MAP3K9: variants seen among roughly 807,000 people sequenced by gnomAD.
The protein encoded by MAP3K9 is mixed lineage kinase 1 (tyr and ser/thr specificity).
Under a neutral mutation model 95.8 loss-of-function variants are expected in MAP3K9, and 46 were observed. The observed-to-expected ratio is 0.48, with a 90% CI of 0.38 to 0.61. The LOEUF is 0.61. Among genes scored for constraint, MAP3K9 ranks in the 20% least tolerant of loss-of-function variants. The pLI, the probability that MAP3K9 is intolerant of heterozygous loss-of-function variation, is 0.00. For synonymous variants in MAP3K9, 533 were observed against 593.8 expected, an observed-to-expected ratio of 0.90 and a Z score of 1.49; for missense variants, 1,296 against 1,474.3, an observed-to-expected ratio of 0.88 and a Z score of 1.98.
intron 2 of MAP3K9, among the ~76,000 whole-genome samples, chr14:70,799,927 C>T (rs751099340): frequency 6.6e-6 from 1 of 152,186 alleles, no homozygotes; most frequent in Non-Finnish European, 1.5e-5. Context: ...CACAAACTAC[C>T]ACAGAAAAGA....
Position 70,724,061 on chromosome 14 carries a change from T to C in MAP3K9, c.*6319A>G, listed in dbSNP as rs1006430406. 2 of 151,844 alleles carry C rather than the reference T, an allele frequency of 1.3e-5. No homozygotes were observed. The highest frequency in any genetic ancestry group is 4.8e-5 in the African/African-American group (2 of 41,302). 9.4% of individuals were successfully genotyped at this position (151,844 alleles called of 1,614,324 possible). On this transcript the variant is annotated 3_prime_UTR_variant, in exon 12 of 12. Transcript: ENST00000554752. ...ATGTGGCTCTTAGCATGCCAGGGAG[T>C]GAAAAAGCCTCCGTTCACTTTAGTC...
intron 2 of MAP3K9, among the ~76,000 whole-genome samples, chr14:70,768,348 T>C (rs1210422921): frequency 2.6e-5 from 4 of 151,786 alleles, no homozygotes; most frequent in Non-Finnish European, 4.4e-5. Context: ...CTATTGTAAA[T>C]GGGAAAGCCA....
intron 2 of MAP3K9, among the ~76,000 whole-genome samples, chr14:70,799,327 T>C (rs2054902626): frequency 6.6e-6 from 1 of 152,036 alleles, no homozygotes; most frequent in Admixed American, 6.6e-5. Context: ...CTTACATAAT[T>C]TTAAAATGTA....
intron 2 of MAP3K9, among the ~76,000 whole-genome samples, chr14:70,770,180 C>T (rs12897648): frequency 0.3 from 45,225 of 151,806 alleles, 6,994 homozygotes; most frequent in Admixed American, 0.34. Flanking sequence ...TCTGTATTTT[C>T]TGTTTCTTTT....
At chr14:70,791,202 G>A (rs1197744758) in intron 2 of MAP3K9, among the ~76,000 whole-genome samples, 1 of 152,136 alleles carries the variant, frequency 6.6e-6, no homozygotes, top group East Asian at 1.9e-4. Context: ...GACCCCACAC[G>A]CCTTTCAAAG....
rs537725621 is a variant in MAP3K9, at chr14:70,801,031, G to A, written c.456C>T (p.Ile152=). The A allele has an allele frequency of 4.3e-6, 7 of 1,614,046 alleles. 1 individual carries two copies. In the South Asian group the frequency reaches 4.4e-5, roughly 10 times the overall value. ...AELTLEEIIG[I]GGFGKVYRAF... ...CACGATAGACCTTCCCAAAGCCCCCGATGCCAATAATCTCTTCCAAGGTGA... is the reference window on the plus strand; with the variant it reads ...CACGATAGACCTTCCCAAAGCCCCCAATGCCAATAATCTCTTCCAAGGTGA... Residue 152 remains isoleucine, a synonymous_variant, in exon 2 of 12, where the codon ATC becomes ATT. Coordinates refer to ENST00000554752, the MANE Select transcript of MAP3K9 (RefSeq NM_001284230.2).
At chr14:70,750,643 C>T (rs1216128611) in intron 3 of MAP3K9, among the ~76,000 whole-genome samples, 2 of 152,112 alleles carry the variant, frequency 1.3e-5, no homozygotes, top group Non-Finnish European at 2.9e-5. Context: ...CACCACCACG[C>T]CCGGCTAATT....
intron 11 of MAP3K9, among the ~76,000 whole-genome samples, chr14:70,732,023 A>G (rs888745424): frequency 2.6e-5 from 4 of 152,304 alleles, no homozygotes; most frequent in East Asian, 3.9e-4. Context: ...AGAGGCAGGT[A>G]TGAGTCAGGG....
chr14:70,765,551 A>G, intron 2 of MAP3K9: 2 of 613,340 alleles, frequency 3.3e-6, no homozygotes, highest in South Asian at 2.0e-5. Flanking sequence ...CTACGTATAG[A>G]TACATTTAGG....
intron 11 of MAP3K9, among the ~76,000 whole-genome samples, chr14:70,732,100 T>C (rs181721819): frequency 6.6e-6 from 1 of 152,300 alleles, no homozygotes; most frequent in East Asian, 1.9e-4. Flanking sequence ...ACTAATGCTA[T>C]AATGAGAGGC....
chr14:70,797,548 G>C (rs991169452), intron 2 of MAP3K9, among the ~76,000 whole-genome samples: 3 of 152,100 alleles, frequency 2.0e-5, no homozygotes, highest in African/African-American at 4.8e-5. Context: ...GACCAGGCTG[G>C]CCAACATGGC....
chr14:70,762,652 T>C (rs2054391803), intron 2 of MAP3K9, among the ~76,000 whole-genome samples: 1 of 152,248 alleles, frequency 6.6e-6, no homozygotes, highest in Non-Finnish European at 1.5e-5. Context: ...TACTAGACCC[T>C]TATCAGATAC....
intron 1 of MAP3K9, among the ~76,000 whole-genome samples, chr14:70,803,336 T>TCAAAAAA (rs1566771064): frequency 4.5e-5 from 3 of 66,096 alleles, no homozygotes; most frequent in East Asian, 3.8e-4. Context: ...AATTCAGATC[T>TCAAAAAA]TAAAAAAAAA....
At chr14:70,771,810 A>G (rs2054535416) in intron 2 of MAP3K9, among the ~76,000 whole-genome samples, 1 of 152,198 alleles carries the variant, frequency 6.6e-6, no homozygotes, top group Non-Finnish European at 1.5e-5. Context: ...AGGGCTCCTG[A>G]GTGGCACGTG....
At chr14:70,737,568 C>T (rs1246140342) in intron 8 of MAP3K9, among the ~76,000 whole-genome samples, 2 of 152,142 alleles carry the variant, frequency 1.3e-5, no homozygotes, top group Admixed American at 6.5e-5. Flanking sequence ...CCCAGAGGAG[C>T]CATCATACAT....
intron 3 of MAP3K9, among the ~76,000 whole-genome samples, chr14:70,760,141 G>GCACACACA (rs60112409): frequency 0.16 from 23,136 of 147,570 alleles, 1,905 homozygotes; most frequent in East Asian, 0.27. Flanking sequence ...AAATAAACGT[G>GCACACACA]CACACACACA....
At chr14:70,807,323 C>T (rs994916086) in intron 1 of MAP3K9, among the ~76,000 whole-genome samples, 4 of 152,122 alleles carry the variant, frequency 2.6e-5, no homozygotes, top group African/African-American at 9.7e-5. Flanking sequence ...AACCTCATCT[C>T]TACTAAAAAT....
intron 9 of MAP3K9, 36 bp from the exon 10 acceptor site, chr14:70,734,534 G>A (rs1396138917): frequency 8.0e-7 from 1 of 1,250,990 alleles, no homozygotes; most frequent in Non-Finnish European, 1.2e-6. Context: ...GTCAGAACTG[G>A]TTACCTTTCT....
At chr14:70,783,285 C>T (rs1221118471) in intron 2 of MAP3K9, 2 of 956,838 alleles carry the variant, frequency 2.1e-6, no homozygotes, top group East Asian at 1.1e-4. Context: ...AAGACGGCAT[C>T]CTAAAGTAAA....
Sources: allele counts gnomAD v4.1 joint callset (sites outside exome capture counted in the v4.1 genomes callset), GRCh38; gene constraint gnomAD v4.1.1; transcripts MANE v1.5; gene names NCBI Gene and HGNC (gene_info 2026-07-23, HGNC 2026-07-21).